Variants in TIPIN observed in about 807,000 individuals in gnomAD.
TIPIN encodes TIMELESS-interacting protein.
Under a neutral mutation model 35.6 loss-of-function variants are expected in TIPIN, and 29 were observed. The ratio of observed to expected loss-of-function variants is 0.82; its 90% CI spans 0.61 to 1.11. The LOEUF (loss-of-function observed/expected upper bound fraction) is 1.11, where lower values mean the gene tolerates loss of function less well. Ranked by LOEUF, TIPIN falls within the 50% of genes most tolerant of loss-of-function variation. The pLI is 0.00. For synonymous variants in TIPIN, 102 were observed against 121.5 expected (o/e 0.84, Z 1.06); for missense variants, 296 against 345.4 (o/e 0.86, Z 1.13).
intron 1 of TIPIN, among the ~76,000 whole-genome samples, chr15:66,377,249 T>TA (rs750367353): frequency 4.6e-5 from 7 of 152,320 alleles, no homozygotes; most frequent in Admixed American, 2.0e-4. Flanking sequence ...GCGAGTAGAA[T>TA]TTTGAAAGCC....
rs537872646 is a variant in TIPIN, at chr15:66,356,656, G to C, written c.-26C>G. 9 of 985,666 alleles carry C rather than the reference G, an allele frequency of 9.1e-6. No homozygotes were observed. The highest frequency in any genetic ancestry group is 3.5e-5 in the African/African-American group (2 of 57,246). 61.1% of individuals were successfully genotyped at this position (985,666 alleles called of 1,614,324 possible). On this transcript the variant is annotated 5_prime_UTR_variant, in exon 1 of 8. Coordinates refer to ENST00000261881, the MANE Select transcript of TIPIN (RefSeq NM_017858.3). ...GCTCTCACCTCACGCAGAAAACACG[G>C]GACACAGCGCGGACCTCGGCGTGCA...
chr15:66,339,246 T>A (rs890540704), intron 7 of TIPIN, among the ~76,000 whole-genome samples: 1 of 151,314 alleles, frequency 6.6e-6, no homozygotes, highest in African/African-American at 2.4e-5. Flanking sequence ...TGGGTGAAAC[T>A]TCGTTTACAA....
At chr15:66,375,921 G>A (rs911700220) in intron 1 of TIPIN, among the ~76,000 whole-genome samples, 10 of 151,416 alleles carry the variant, frequency 6.6e-5, no homozygotes, top group African/African-American at 1.7e-4. Flanking sequence ...GGCAACATAC[G>A]GATACACTGT....
chr15:66,377,294 G>A (rs1408272960), intron 1 of TIPIN, among the ~76,000 whole-genome samples: 1 of 152,032 alleles, frequency 6.6e-6, no homozygotes, highest in Non-Finnish European at 1.5e-5. Context: ...TACCTATATT[G>A]ATGTATTAAT....
At chr15:66,358,697 G>A (rs1280843685), upstream of TIPIN, among the ~76,000 whole-genome samples, 3 of 152,068 alleles carry the variant, frequency 2.0e-5, no homozygotes, top group Non-Finnish European at 4.4e-5. Flanking sequence ...GATTACAGGC[G>A]TGAGCCACCG....
chr15:66,379,709 G>T, intron 1 of TIPIN: 3 of 1,610,102 alleles, frequency 1.9e-6, no homozygotes, highest in Non-Finnish European at 2.5e-6. Context: ...TAGTCCGAAC[G>T]GTAGCCAGTT....
chr15:66,385,703 G>T (rs2093335018), intron 1 of TIPIN, among the ~76,000 whole-genome samples: 1 of 152,086 alleles, frequency 6.6e-6, no homozygotes, highest in South Asian at 2.1e-4. Context: ...TGGCCAGGCT[G>T]GTCTTGAACT....
At chr15:66,346,910 G>A (rs2093129694) in intron 6 of TIPIN, among the ~76,000 whole-genome samples, 1 of 151,846 alleles carries the variant, frequency 6.6e-6, no homozygotes, top group East Asian at 1.9e-4. Context: ...TCCTGCCTCA[G>A]CCTCCCGAAT....
chr15:66,361,149 T>C (rs2093229383), upstream of TIPIN, among the ~76,000 whole-genome samples: 1 of 151,872 alleles, frequency 6.6e-6, no homozygotes, highest in African/African-American at 2.4e-5. Context: ...AAAAAAAAAT[T>C]AAACTGAACA....
chr15:66,342,718 A>C (rs1220916340), intron 6 of TIPIN, among the ~76,000 whole-genome samples: 1 of 152,204 alleles, frequency 6.6e-6, no homozygotes, highest in African/African-American at 2.4e-5. Flanking sequence ...AACACAGACA[A>C]ATGAAAAAAG....
At chr15:66,360,052 C>T (rs2093224328), upstream of TIPIN, among the ~76,000 whole-genome samples, 1 of 152,034 alleles carries the variant, frequency 6.6e-6, no homozygotes, top group South Asian at 2.1e-4. Flanking sequence ...GGATTATAGA[C>T]ATGAGTCACC....
chr15:66,359,378 T>G (rs539414265), upstream of TIPIN, among the ~76,000 whole-genome samples: 14 of 152,222 alleles, frequency 9.2e-5, no homozygotes, highest in East Asian at 2.5e-3. Context: ...CAGATTCTTA[T>G]TCTGTCACCC....
intron 1 of TIPIN, among the ~76,000 whole-genome samples, chr15:66,372,447 A>G (rs952575058): frequency 3.3e-5 from 5 of 152,220 alleles, no homozygotes; most frequent in African/African-American, 7.2e-5. Flanking sequence ...ATTTATCACA[A>G]TTTATCCATT....
At chr15:66,379,968 G>A in intron 1 of TIPIN, 1 of 758,880 alleles carries the variant, frequency 1.3e-6, no homozygotes, top group Non-Finnish European at 2.1e-6. Flanking sequence ...ATAAAAAGTA[G>A]GGATACACCT....
intron 1 of TIPIN, among the ~76,000 whole-genome samples, chr15:66,363,988 AAAAC>A (rs1447840982): frequency 1.3e-5 from 2 of 151,764 alleles, no homozygotes; most frequent in African/African-American, 2.4e-5. Flanking sequence ...TTCTCAAAAA[AAAAC>A]AAAAAACAAA....
intron 1 of TIPIN, among the ~76,000 whole-genome samples, chr15:66,364,453 T>C (rs1371640336): frequency 1.3e-5 from 2 of 151,930 alleles, no homozygotes; most frequent in Admixed American, 1.3e-4. Context: ...CATAAGCCCA[T>C]GCCCAGCCAA....
chr15:66,385,328 T>C (rs955458360), intron 1 of TIPIN, among the ~76,000 whole-genome samples: 10 of 151,910 alleles, frequency 6.6e-5, no homozygotes, highest in African/African-American at 2.4e-4. Context: ...ACACGTTTCC[T>C]TTGTTCTGTA....
At chr15:66,363,757 T>A (rs930216891) in intron 1 of TIPIN, among the ~76,000 whole-genome samples, 3 of 147,420 alleles carry the variant, frequency 2.0e-5, no homozygotes, top group African/African-American at 7.5e-5. Context: ...CCAAGGTGGG[T>A]GGATCACGAG....
At chr15:66,357,645 C>CA (rs555322461), upstream of TIPIN, among the ~76,000 whole-genome samples, 68 of 75,372 alleles carry the variant, frequency 9.0e-4, no homozygotes, top group Middle Eastern at 0.02. Context: ...TGAATGTAAA[C>CA]AAAAAAAAAT....
Sources: gnomAD v4.1 joint callset for allele counts (sites outside exome capture counted in the v4.1 genomes callset) on GRCh38, gnomAD v4.1.1 for gene constraint, MANE v1.5 for transcripts, NCBI Gene and HGNC (gene_info 2026-07-23, HGNC 2026-07-21) for gene names.